SPTLC3: variants seen among roughly 807,000 people sequenced by gnomAD.
SPTLC3 encodes serine palmitoyltransferase 3.
A neutral mutation model predicts 59.3 loss-of-function variants in SPTLC3; 36 were observed. The ratio of observed to expected loss-of-function variants is 0.61; its 90% CI spans 0.47 to 0.80. The LOEUF is 0.80. Among genes scored for constraint, SPTLC3 ranks in the 30% least tolerant of loss-of-function variants. SPTLC3 has a pLI of 0.00. For missense variants in SPTLC3, 625 were observed against 685.1 expected (o/e 0.91, Z 0.98); for synonymous variants, 257 against 240.8 (o/e 1.07, Z -0.62).
At chr20:13,149,448 A>G (rs977286556) in intron 9 of SPTLC3, among the ~76,000 whole-genome samples, 5 of 152,232 alleles carry the variant, frequency 3.3e-5, no homozygotes, top group Non-Finnish European at 7.3e-5. Flanking sequence ...AGCGTTTTAT[A>G]GGTACAAATT....
At chr20:13,042,941 T>C (rs1478546954) in intron 1 of SPTLC3, among the ~76,000 whole-genome samples, 1 of 152,216 alleles carries the variant, frequency 6.6e-6, no homozygotes, top group Non-Finnish European at 1.5e-5. Context: ...TGAGGCTCTT[T>C]ATGCCACCAG....
chr20:13,072,726 C>A (rs1476128101), intron 3 of SPTLC3, among the ~76,000 whole-genome samples: 2 of 152,170 alleles, frequency 1.3e-5, no homozygotes, highest in Non-Finnish European at 2.9e-5. Context: ...CTGAATGAGA[C>A]AGTGATGACC....
At chr20:13,019,410 A>G (rs1010115043) in intron 1 of SPTLC3, among the ~76,000 whole-genome samples, 3 of 152,180 alleles carry the variant, frequency 2.0e-5, no homozygotes, top group African/African-American at 4.8e-5. Flanking sequence ...TCCTAAGTAC[A>G]GTGCTATTTT....
chr20:13,122,204 A>T (rs998906032), intron 8 of SPTLC3, among the ~76,000 whole-genome samples: 8 of 152,200 alleles, frequency 5.3e-5, no homozygotes, highest in Admixed American at 3.3e-4. Context: ...TGGATTTTAA[A>T]AGAAGTGTAA....
At chr20:13,147,163 A>C (rs1195620544) in intron 9 of SPTLC3, among the ~76,000 whole-genome samples, 4 of 152,144 alleles carry the variant, frequency 2.6e-5, no homozygotes, top group Admixed American at 6.5e-5. Context: ...CAGGGGCAAG[A>C]CTGAGCAGCC....
intron 8 of SPTLC3, among the ~76,000 whole-genome samples, chr20:13,120,919 G>A (rs1163986892): frequency 6.6e-6 from 1 of 152,178 alleles, no homozygotes; most frequent in Non-Finnish European, 1.5e-5. Flanking sequence ...ACAGTGAACA[G>A]CCTAACATGG....
In SPTLC3 at chr20:13,049,018, T is replaced by A; in HGVS notation, c.191T>A (p.Val64Asp). The change falls in exon 2 of 12, where the codon GTT becomes GAT. Residue 64 changes from valine to aspartate, a missense_variant. Physicochemically the swap from Val to Asp is radical, Grantham distance 152. Transcript: ENST00000399002. ...SFEEAPLHVM[V>D]FTYMGYGIGT... ...GAGGAAGCACCCCTTCATGTTATGG[T>A]TTTCACTTACATGGGATATGGAATT... The A allele has an allele frequency of 1.2e-6, 2 of 1,612,236 alleles. No individual in the cohort carries two copies. Among genetic ancestry groups the A allele is most frequent in the Non-Finnish European group, 1.7e-6 (2 of 1,179,420 alleles).
intron 10 of SPTLC3, among the ~76,000 whole-genome samples, chr20:13,155,441 G>A (rs139212414): frequency 6.6e-6 from 1 of 152,236 alleles, no homozygotes; most frequent in East Asian, 1.9e-4. Context: ...AAAACTCATG[G>A]AGGGCAAGAC....
At chr20:13,042,843 C>T (rs1278819821) in intron 1 of SPTLC3, among the ~76,000 whole-genome samples, 2 of 152,122 alleles carry the variant, frequency 1.3e-5, no homozygotes, top group Non-Finnish European at 2.9e-5. Flanking sequence ...TTGTTATATG[C>T]CCTTAAGACA....
At chr20:13,073,924 T>C in intron 3 of SPTLC3, 2 of 572,908 alleles carry the variant, frequency 3.5e-6, no homozygotes, top group Non-Finnish European at 6.9e-6. Flanking sequence ...TTCTTCATCC[T>C]GGATCATCCA....
intron 11 of SPTLC3, among the ~76,000 whole-genome samples, chr20:13,162,823 G>C (rs2038919829): frequency 6.6e-6 from 1 of 152,056 alleles, no homozygotes; most frequent in Non-Finnish European, 1.5e-5. Flanking sequence ...AGTCATCTCA[G>C]GCACAAGCTC....
intron 11 of SPTLC3, among the ~76,000 whole-genome samples, chr20:13,160,550 A>T (rs552028431): frequency 1.3e-5 from 2 of 152,360 alleles, no homozygotes; most frequent in South Asian, 4.1e-4. Flanking sequence ...AACAAGAACA[A>T]ATCTACATTA....
intron 1 of SPTLC3, among the ~76,000 whole-genome samples, chr20:13,033,208 A>T (rs1273105405): frequency 6.6e-6 from 1 of 152,204 alleles, no homozygotes; most frequent in Non-Finnish European, 1.5e-5. Flanking sequence ...GAAAGAATTT[A>T]ACAATATTCT....
chr20:13,022,062 T>A (rs1012449530), intron 1 of SPTLC3, among the ~76,000 whole-genome samples: 1 of 152,332 alleles, frequency 6.6e-6, no homozygotes, highest in South Asian at 2.1e-4. Flanking sequence ...TACCAAACTG[T>A]GCTCCTCATG....
intron 3 of SPTLC3, among the ~76,000 whole-genome samples, chr20:13,073,319 C>T (rs899712252): frequency 2.0e-5 from 3 of 152,128 alleles, no homozygotes; most frequent in South Asian, 2.1e-4. Context: ...GACTGCTGTG[C>T]CTTGCTTATT....
At chr20:13,092,818 G>A (rs906889647) in intron 5 of SPTLC3, among the ~76,000 whole-genome samples, 1 of 152,080 alleles carries the variant, frequency 6.6e-6, no homozygotes, top group African/African-American at 2.4e-5. Flanking sequence ...ACCATAATTT[G>A]CCTGCATTTT....
At chr20:13,073,137 T>C (rs890769161) in intron 3 of SPTLC3, among the ~76,000 whole-genome samples, 1 of 152,220 alleles carries the variant, frequency 6.6e-6, no homozygotes, top group Non-Finnish European at 1.5e-5. Context: ...ACCCTACTGA[T>C]CTGAGTTTTA....
rs375309563 is a variant in SPTLC3, at chr20:13,049,286, C to T, written c.303+156C>T. The T allele has an allele frequency of 8.8e-6, 7 of 796,324 alleles. 1 individual carries two copies. The African/African-American group carries it at 1.2e-4, about 14-fold the overall frequency. The allele number at this position is 796,324 out of a possible 1,614,324, so 49.3% of individuals were successfully genotyped here. A position where few individuals can be genotyped will look rare whatever the true frequency, so the allele number is the denominator to read the frequency against. On this transcript the variant is annotated intron_variant, in intron 2 of 11. Transcript: ENST00000399002. Reference sequence around the variant, plus strand: ...CATCTCCACCTCCTAAACCCCATTACCCATGGGCTTATGGACCTGTTTTTA... The same window carrying T: ...CATCTCCACCTCCTAAACCCCATTATCCATGGGCTTATGGACCTGTTTTTA...
Position 13,074,427 on chromosome 20 carries a change from G to A in SPTLC3, c.537G>A (p.Glu179=). ...NFLGLAAKYD[E]SMRTIKDVLE... is the part of the protein sequence containing the mutation. Reference sequence around the variant, plus strand: ...TTGGTCTTGCAGCCAAGTATGATGAGTCTATGAGGACAATAAAGGATGTTT... The same window carrying A: ...TTGGTCTTGCAGCCAAGTATGATGAATCTATGAGGACAATAAAGGATGTTT... The change falls in exon 4 of 12, where the codon GAG becomes GAA. Residue 179 remains glutamate, a synonymous_variant. Transcript: ENST00000399002. The A allele has an allele frequency of 6.2e-7, 1 of 1,614,092 alleles. No homozygotes were observed. The highest frequency in any genetic ancestry group is 8.5e-7 in the Non-Finnish European group (1 of 1,179,974).
Sources: gnomAD v4.1 joint callset for allele counts (sites outside exome capture counted in the v4.1 genomes callset) on GRCh38, gnomAD v4.1.1 for gene constraint, MANE v1.5 for transcripts, NCBI Gene and HGNC (gene_info 2026-07-23, HGNC 2026-07-21) for gene names.